Variants in CATSPERB observed in about 807,000 individuals in gnomAD.
CATSPERB encodes cation channel sperm-associated auxiliary subunit beta.
CATSPERB carries 93 observed loss-of-function variants against 128.3 expected under a neutral mutation model. The ratio of observed to expected loss-of-function variants is 0.72; its 90% CI spans 0.61 to 0.86. The LOEUF (loss-of-function observed/expected upper bound fraction) is 0.86. Ranked by LOEUF, CATSPERB falls within the 40% of genes least tolerant of loss-of-function variation. The pLI is 0.00. For synonymous variants in CATSPERB, 381 were observed against 448.8 expected (o/e 0.85, Z 1.91); for missense variants, 1,153 against 1,329.5 (o/e 0.87, Z 2.06).
chr14:91,621,830 T>C lies in CATSPERB; in HGVS notation c.2038A>G (p.Ile680Val), dbSNP rs934534092. The C allele has an allele frequency of 3.7e-6, 6 of 1,614,032 alleles. No homozygotes were observed. Among genetic ancestry groups the C allele is most frequent in the South Asian group, 1.1e-5 (1 of 91,088 alleles). The change falls in exon 19 of 27, where the codon ATT becomes GTT. Residue 680 changes from isoleucine to valine, a missense_variant. Ile to Val is a conservative substitution (Grantham distance 29, BLOSUM62 3). Transcript: ENST00000256343. ...SILDNKNALA[I>V]ATMPESAPNN... ...GGTGCACTTTCAGGCATGGTAGCAA[T>C]GGCTAATGCATTCTTATTATCTAAA...
chr14:91,676,889 A>T lies in CATSPERB; in HGVS notation c.932-2667T>A, dbSNP rs145355846. Among the ~76,000 whole-genome samples, 50 of 152,292 alleles carry T rather than the reference A, an allele frequency of 3.3e-4. No homozygotes were observed. In the East Asian group the frequency reaches 9.1e-3, roughly 28 times the overall value. On this transcript the variant is annotated intron_variant, in intron 11 of 26. Transcript: ENST00000256343. The stretch of plus-strand genomic sequence containing the variant: ...CCAAAACAGACATCTAGACCAATGG[A>T]ACATAACAGAGACTTCAGAAATAAC...
At chr14:91,603,364 C>T in intron 22 of CATSPERB, 2 of 1,609,858 alleles carry the variant, frequency 1.2e-6, no homozygotes, top group South Asian at 2.2e-5. Flanking sequence ...AACTTTTTAC[C>T]TTTGCTAAAT....
At chr14:91,675,338 G>A (rs1270844169) in intron 11 of CATSPERB, among the ~76,000 whole-genome samples, 1 of 152,214 alleles carries the variant, frequency 6.6e-6, no homozygotes, top group Non-Finnish European at 1.5e-5. Context: ...TTCTCTCCCT[G>A]TCATGGCGTT....
chr14:91,586,567 G>GAA (rs1555358773), intron 26 of CATSPERB, among the ~76,000 whole-genome samples: 1 of 127,150 alleles, frequency 7.9e-6, no homozygotes, highest in Non-Finnish European at 1.7e-5. Flanking sequence ...GAGAGAGAGA[G>GAA]AGAAAGAGAG....
At chr14:91,675,503 C>T (rs200652047) in intron 11 of CATSPERB, among the ~76,000 whole-genome samples, 21 of 152,178 alleles carry the variant, frequency 1.4e-4, no homozygotes, top group Admixed American at 2.0e-4. Context: ...TAGCTGCTTG[C>T]GACATTGTCT....
At chr14:91,599,545 C>CAAAAAAAAA (rs36175924) in intron 22 of CATSPERB, among the ~76,000 whole-genome samples, 2 of 113,938 alleles carry the variant, frequency 1.8e-5, no homozygotes, top group Non-Finnish European at 3.5e-5. Context: ...GGCGGCAGAG[C>CAAAAAAAAA]AAAAAAAAAA....
chr14:91,628,534 A>G (rs1894211387), intron 17 of CATSPERB, among the ~76,000 whole-genome samples: 1 of 152,164 alleles, frequency 6.6e-6, no homozygotes, highest in Non-Finnish European at 1.5e-5. Flanking sequence ...TGGTTGGATC[A>G]TGGGGGCGGT....
intron 22 of CATSPERB, among the ~76,000 whole-genome samples, chr14:91,606,001 C>G (rs1160523470): frequency 6.6e-6 from 1 of 151,956 alleles, no homozygotes; most frequent in Admixed American, 6.6e-5. Context: ...CATGGTGAAA[C>G]CCCGTCTCTA....
At chr14:91,592,490 C>T (rs73331749) in intron 22 of CATSPERB, 2,230 of 156,524 alleles carry the variant, frequency 0.014, 51 homozygotes, top group African/African-American at 0.05. Flanking sequence ...CTTGATCTCT[C>T]TTGCCATTCA....
At chr14:91,603,951 C>A (rs983879730) in intron 22 of CATSPERB, among the ~76,000 whole-genome samples, 9 of 139,980 alleles carry the variant, frequency 6.4e-5, no homozygotes, top group African/African-American at 1.9e-4. Flanking sequence ...AATGTCTATT[C>A]AAGAACTTCA....
chr14:91,639,865 A>T (rs1029318152), intron 15 of CATSPERB, among the ~76,000 whole-genome samples: 6 of 122,100 alleles, frequency 4.9e-5, no homozygotes, highest in Non-Finnish European at 1.0e-4. Context: ...ACTGCATCCC[A>T]CCCAAACCCA....
At chr14:91,613,888 C>G (rs901618947) in intron 20 of CATSPERB, among the ~76,000 whole-genome samples, 1 of 152,144 alleles carries the variant, frequency 6.6e-6, no homozygotes, top group Non-Finnish European at 1.5e-5. Flanking sequence ...CATGTGCAAC[C>G]ACAGCGCATG....
chr14:91,609,168 C>A (rs1480014341), intron 21 of CATSPERB, among the ~76,000 whole-genome samples: 1 of 152,022 alleles, frequency 6.6e-6, no homozygotes, highest in African/African-American at 2.4e-5. Context: ...AGCTGAAGAA[C>A]CTCAATCTAC....
chr14:91,708,976 C>T (rs1895784800), intron 5 of CATSPERB: 1 of 152,288 alleles, frequency 6.6e-6, no homozygotes, highest in African/African-American at 2.4e-5. Context: ...GCTGTAAGCA[C>T]AGGCCAAGGC....
rs1312641673 is a variant in CATSPERB at position 91,636,431 on chromosome 14, T to C, written c.1736A>G (p.His579Arg). The stretch of plus-strand genomic sequence containing the variant: ...AATAAATGCATATCACTACCCAGAG[T>C]GTATCACTTTTCCATAGTGTATATT... ...FGNIHYGKVIHSGKTGRAYIR... is the reference protein window; with the variant it reads ...FGNIHYGKVIRSGKTGRAYIR... Residue 579 changes from histidine to arginine, a missense_variant, in exon 17 of 27, where the codon CAC (histidine) becomes CGC (arginine). Transcript: ENST00000256343. The C allele has an allele frequency of 2.5e-6, 4 of 1,613,772 alleles. No homozygotes were observed. Among genetic ancestry groups the C allele is most frequent in the Non-Finnish European group, 3.4e-6 (4 of 1,179,864 alleles).
intron 12 of CATSPERB, 66 bp downstream of exon 12, chr14:91,674,110 C>T: frequency 2.2e-6 from 2 of 892,274 alleles, no homozygotes; most frequent in Middle Eastern, 2.2e-4. Flanking sequence ...TTAGATTAAT[C>T]CCAATCCATG....
At chr14:91,637,878 G>T (rs957332) in intron 16 of CATSPERB, among the ~76,000 whole-genome samples, 1 of 151,856 alleles carries the variant, frequency 6.6e-6, no homozygotes, top group South Asian at 2.1e-4. Flanking sequence ...TGAAAAATGA[G>T]GTAAATGCTT....
intron 18 of CATSPERB, among the ~76,000 whole-genome samples, chr14:91,623,655 C>G (rs1165632649): frequency 1.3e-5 from 2 of 152,172 alleles, no homozygotes; most frequent in Non-Finnish European, 2.9e-5. Context: ...GGCCTCCTAG[C>G]TGACTTCTCT....
intron 22 of CATSPERB, among the ~76,000 whole-genome samples, chr14:91,596,737 T>G (rs1893512890): frequency 6.6e-6 from 1 of 152,196 alleles, no homozygotes; most frequent in Non-Finnish European, 1.5e-5. Flanking sequence ...GTTAGCTATG[T>G]ATACAAATAT....
Sources: allele counts gnomAD v4.1 joint callset (sites outside exome capture counted in the v4.1 genomes callset), GRCh38; gene constraint gnomAD v4.1.1; transcripts MANE v1.5; gene names NCBI Gene and HGNC (gene_info 2026-07-23, HGNC 2026-07-21).